The following AGBL1 variants were observed in gnomAD, a reference collection of about 807,000 sequenced individuals.
The protein encoded by AGBL1 is AGBL carboxypeptidase 1, also known as cytosolic carboxypeptidase 4.
AGBL1 carries 130 observed loss-of-function variants against 118.9 expected under a neutral mutation model. The observed-to-expected ratio is 1.09, with a 90% CI of 0.95 to 1.26. The LOEUF (loss-of-function observed/expected upper bound fraction) is 1.26. Ranked by LOEUF, AGBL1 falls within the 50% of genes most tolerant of loss-of-function variation. The probability of loss-of-function intolerance (pLI) is 0.00; values close to 1 mark genes in which losing one functional copy is unlikely to be tolerated. For synonymous variants in AGBL1, 555 were observed against 478.9 expected (o/e 1.16, Z -2.08); for missense variants, 1,584 against 1,298.1 (o/e 1.22, Z -3.38).
intron 22 of AGBL1, among the ~76,000 whole-genome samples, chr15:86,714,940 T>C (rs1176774676): frequency 6.6e-6 from 1 of 152,198 alleles, no homozygotes; most frequent in Non-Finnish European, 1.5e-5. Flanking sequence ...CTCACCACTT[T>C]AAATTTTTGG....
chr15:86,295,390 G>A lies in AGBL1; in HGVS notation c.2356G>A (p.Glu786Lys). Residue 786 changes from glutamate to lysine, a missense_variant, in exon 17 of 23, where the codon GAG becomes AAG. Coordinates refer to ENST00000614907, the MANE Select transcript of AGBL1 (RefSeq NM_001386094.1). Reference protein sequence around the residue: ...ITAMPESNSDEHLEQFRHRPY... With the variant: ...ITAMPESNSDKHLEQFRHRPY... Reference sequence around the variant, plus strand: ...GGCCATGCCTGAGTCCAACAGTGATGAGCATCTAGAGCAGTTCCGTGAGTA... The same window carrying A: ...GGCCATGCCTGAGTCCAACAGTGATAAGCATCTAGAGCAGTTCCGTGAGTA... The A allele has an allele frequency of 6.3e-7, 1 of 1,581,564 alleles. No individual in the cohort carries two copies. Among genetic ancestry groups the A allele is most frequent in the African/African-American group, 1.4e-5 (1 of 73,176 alleles).
At chr15:86,578,826 C>T (rs1396678569) in intron 21 of AGBL1, among the ~76,000 whole-genome samples, 2 of 152,190 alleles carry the variant, frequency 1.3e-5, no homozygotes, top group Non-Finnish European at 2.9e-5. Flanking sequence ...GCCTCCCAGC[C>T]ATGTGGAACT....
At chr15:86,744,236 A>G (rs566666196) in intron 22 of AGBL1, among the ~76,000 whole-genome samples, 83 of 152,266 alleles carry the variant, frequency 5.5e-4, no homozygotes, top group African/African-American at 1.9e-3. Flanking sequence ...ATAAAAGTGG[A>G]AATGGAAACT....
intron 21 of AGBL1, among the ~76,000 whole-genome samples, chr15:86,590,600 A>G (rs2084320659): frequency 6.6e-6 from 1 of 152,194 alleles, no homozygotes; most frequent in Admixed American, 6.6e-5. Context: ...TACAGTTTGC[A>G]AAGGGGGTCT....
chr15:86,456,137 G>C (rs1223583148), intron 18 of AGBL1, among the ~76,000 whole-genome samples: 1 of 152,120 alleles, frequency 6.6e-6, no homozygotes, highest in Non-Finnish European at 1.5e-5. Context: ...AATAGAAACT[G>C]TTCCTCTAGA....
chr15:86,305,908 C>A (rs1382818883), intron 17 of AGBL1, among the ~76,000 whole-genome samples: 1 of 152,162 alleles, frequency 6.6e-6, no homozygotes, highest in African/African-American at 2.4e-5. Flanking sequence ...TTTACACTCC[C>A]ACAAAGTGTA....
At chr15:86,493,703 A>G (rs1023877374) in intron 18 of AGBL1, among the ~76,000 whole-genome samples, 3 of 152,048 alleles carry the variant, frequency 2.0e-5, no homozygotes, top group Non-Finnish European at 4.4e-5. Context: ...ATATTTATCC[A>G]TATGTAAAAC....
chr15:86,610,696 T>C (rs2469162), intron 21 of AGBL1, among the ~76,000 whole-genome samples: 77,895 of 152,094 alleles, frequency 0.51, 20,061 homozygotes, highest in East Asian at 0.74. Context: ...CTCTGCTTCA[T>C]ACTTTGTTGA....
intron 21 of AGBL1, among the ~76,000 whole-genome samples, chr15:86,601,823 A>T (rs1263553030): frequency 6.6e-6 from 1 of 152,238 alleles, no homozygotes; most frequent in Middle Eastern, 3.4e-3. Flanking sequence ...TATCATCATT[A>T]CTCCATCCAA....
In AGBL1 at chr15:86,578,293, G is replaced by C. The variant is rs117238631; in HGVS notation, c.2994+23756G>C. On this transcript the variant is annotated intron_variant, in intron 21 of 22. Coordinates refer to ENST00000614907, the MANE Select transcript of AGBL1 (RefSeq NM_001386094.1). ...TCTGCTGGATTTCAGACTTGCATGGGGGATGTAGCCCCTTCATTTTGGCCA... is the reference window on the plus strand; with the variant it reads ...TCTGCTGGATTTCAGACTTGCATGGCGGATGTAGCCCCTTCATTTTGGCCA... Among the ~76,000 whole-genome samples the C allele has an allele frequency of 6.9e-3, 1,049 of 152,276 alleles. 51 individuals are homozygous for C. In the East Asian group the frequency reaches 0.13, roughly 19 times the overall value.
intron 16 of AGBL1, among the ~76,000 whole-genome samples, chr15:86,283,302 G>A (rs1284320519): frequency 6.6e-6 from 1 of 152,064 alleles, no homozygotes; most frequent in Non-Finnish European, 1.5e-5. Context: ...AAAAAATTGG[G>A]ATCTCACTGA....
intron 18 of AGBL1, among the ~76,000 whole-genome samples, chr15:86,489,600 G>A (rs1046432265): frequency 2.0e-5 from 3 of 152,108 alleles, no homozygotes; most frequent in Non-Finnish European, 2.9e-5. Flanking sequence ...TGTGGCCCAC[G>A]AACCAAATCT....
intron 17 of AGBL1, among the ~76,000 whole-genome samples, chr15:86,387,409 C>T (rs927268728): frequency 4.6e-5 from 7 of 152,040 alleles, no homozygotes; most frequent in African/African-American, 1.7e-4. Flanking sequence ...CAGTGTGTTA[C>T]CTGGAAGATG....
At chr15:86,805,045 A>G (rs1043317317) in intron 22 of AGBL1, among the ~76,000 whole-genome samples, 13 of 152,126 alleles carry the variant, frequency 8.5e-5, no homozygotes, top group South Asian at 2.1e-4. Context: ...TCTAGTGCAT[A>G]TTGGATAAAA....
At chr15:86,091,182 T>C (rs1895998766) in intron 1 of AGBL1, among the ~76,000 whole-genome samples, 1 of 152,186 alleles carries the variant, frequency 6.6e-6, no homozygotes, top group Non-Finnish European at 1.5e-5. Context: ...GGCATATTAT[T>C]ATTTTCTTGT....
chr15:86,657,808 G>A (rs2085485076), intron 21 of AGBL1, among the ~76,000 whole-genome samples: 1 of 151,674 alleles, frequency 6.6e-6, no homozygotes, highest in Admixed American at 6.6e-5. Context: ...CTGGCCTGGG[G>A]TAGACCAGAA....
chr15:86,447,360 C>G (rs1222962561), intron 18 of AGBL1, among the ~76,000 whole-genome samples: 1 of 152,184 alleles, frequency 6.6e-6, no homozygotes, highest in African/African-American at 2.4e-5. Context: ...ATTTTGTTTG[C>G]TATAGCCAGG....
intron 18 of AGBL1, among the ~76,000 whole-genome samples, chr15:86,446,028 G>C (rs1274996114): frequency 6.6e-6 from 1 of 152,168 alleles, no homozygotes; most frequent in African/African-American, 2.4e-5. Context: ...AGAAGGGAGA[G>C]AGACTGGTAG....
At chr15:86,142,771 C>T (rs890257279) in intron 2 of AGBL1, among the ~76,000 whole-genome samples, 2 of 152,260 alleles carry the variant, frequency 1.3e-5, no homozygotes, top group East Asian at 3.9e-4. Context: ...TAGTCTTTCA[C>T]GTGGGGCCTG....
Sources: allele counts gnomAD v4.1 joint callset (sites outside exome capture counted in the v4.1 genomes callset), GRCh38; gene constraint gnomAD v4.1.1; transcripts MANE v1.5; gene names NCBI Gene and HGNC (gene_info 2026-07-23, HGNC 2026-07-21).